ZSWIM9: variants seen among roughly 807,000 people sequenced by gnomAD.
The protein encoded by ZSWIM9 is zinc finger SWIM-type containing 9.
A neutral mutation model predicts 25.0 loss-of-function variants in ZSWIM9; 11 were observed. The observed-to-expected ratio is 0.44, with a 90% CI of 0.28 to 0.73. The LOEUF (loss-of-function observed/expected upper bound fraction) is 0.73. ZSWIM9 is among the 30% of genes least tolerant of loss of function. ZSWIM9 has a pLI of 0.16. For missense variants in ZSWIM9, 1,070 were observed against 1,296.5 expected, an observed-to-expected ratio of 0.83 and a Z score of 2.68; for synonymous variants, 562 against 582.1, an observed-to-expected ratio of 0.97 and a Z score of 0.50.
chr19:48,174,605 A>C (rs529493156), intron 2 of ZSWIM9: 1 of 152,346 alleles, frequency 6.6e-6, no homozygotes, highest in South Asian at 2.1e-4. Flanking sequence ...CAGAGTAAGC[A>C]CACTCTTAAC....
At chr19:48,171,696 G>A in intron 1 of ZSWIM9, 98 bp from the exon 2 acceptor site, 1 of 1,208,688 alleles carries the variant, frequency 8.3e-7, no homozygotes, top group Non-Finnish European at 1.1e-6. Flanking sequence ...CTCGATAGAG[G>A]CACCAGCAAC....
chr19:48,194,755 G>A lies in ZSWIM9; in HGVS notation c.691G>A (p.Val231Met). 1 of 1,533,600 alleles carries A rather than the reference G, an allele frequency of 6.5e-7. No homozygotes were observed. Among genetic ancestry groups the A allele is most frequent in the Non-Finnish European group, 8.7e-7 (1 of 1,145,742 alleles). The allele number at this position is 1,533,600 out of a possible 1,614,324, so 95.0% of individuals were successfully genotyped here. The change falls in exon 4 of 4, where the codon GTG (valine) becomes ATG (methionine). Residue 231 changes from valine to methionine, a missense_variant. Coordinates refer to ENST00000614654, the MANE Select transcript of ZSWIM9 (RefSeq NM_199341.4). This position sits in a 1 kb window ranked among gnomAD's most constrained non-coding sequence, Gnocchi z 6.0. Reference protein sequence around the residue: ...LLRRFPRMLLVDRLPGLQGAL... With the variant: ...LLRRFPRMLLMDRLPGLQGAL... ...GCGGCGCTTCCCTCGCATGCTGCTG[G>A]TGGACCGGCTGCCGGGGCTGCAGGG... is the stretch of plus-strand genomic sequence containing the variant.
At chr19:48,189,803 T>G (rs920669089) in intron 3 of ZSWIM9, among the ~76,000 whole-genome samples, 1 of 152,168 alleles carries the variant, frequency 6.6e-6, no homozygotes, top group African/African-American at 2.4e-5. Flanking sequence ...ACTGACTGAT[T>G]AGACTAAAGA....
chr19:48,187,521 T>TATA (rs1491283764), intron 3 of ZSWIM9, among the ~76,000 whole-genome samples: 7 of 84,324 alleles, frequency 8.3e-5, no homozygotes, highest in African/African-American at 3.7e-4. Context: ...TTATATATAT[T>TATA]ATATATTATA....
At position 48,195,490 on chromosome 19, in the gene ZSWIM9, G is replaced by C; in HGVS notation, c.1426G>C (p.Asp476His). 1 of 1,415,730 alleles carries C rather than the reference G, an allele frequency of 7.1e-7. No individual in the cohort carries two copies. Among genetic ancestry groups the C allele is most frequent in the South Asian group, 1.5e-5 (1 of 65,406 alleles). The allele number at this position is 1,415,730 out of a possible 1,614,324, so 87.7% of individuals were successfully genotyped here. Residue 476 changes from aspartate (D) to histidine (H), a missense_variant, in exon 4 of 4, where the codon GAC becomes CAC. Asp to His is a moderately conservative substitution (Grantham distance 81). Around this residue, in one of 4 missense-constraint regions of ZSWIM9, gnomAD observed 583 missense variants for 624.7 expected, o/e 0.93. Transcript: ENST00000614654. This position sits in a 1 kb window ranked among gnomAD's most constrained non-coding sequence, Gnocchi z 5.8. Reference protein sequence around the residue: ...NERVRGLETGDWGGAPKEGSI... With the variant: ...NERVRGLETGHWGGAPKEGSI... ...GAGGGTGAGGGGCCTGGAGACAGGC[G>C]ACTGGGGAGGGGCTCCGAAAGAAGG...
intron 2 of ZSWIM9, among the ~76,000 whole-genome samples, chr19:48,177,805 G>C (rs768611553): frequency 6.6e-6 from 1 of 152,188 alleles, no homozygotes. Flanking sequence ...CTGCACGCGG[G>C]GATTTCCTTT....
At chr19:48,173,696 G>A (rs1165823802) in intron 2 of ZSWIM9, among the ~76,000 whole-genome samples, 1 of 152,098 alleles carries the variant, frequency 6.6e-6, no homozygotes, top group Non-Finnish European at 1.5e-5. Flanking sequence ...GAGTGCAGTG[G>A]CACAATCTCC....
intron 3 of ZSWIM9, chr19:48,186,558 C>T (rs1236076751): frequency 1.9e-5 from 3 of 154,526 alleles, no homozygotes; most frequent in Non-Finnish European, 4.4e-5. Flanking sequence ...ACCTTGGCCT[C>T]CTGAAGTGCT....
chr19:48,181,800 TTTTAA>T (rs1346901522), intron 2 of ZSWIM9: 1 of 152,178 alleles, frequency 6.6e-6, no homozygotes, highest in Non-Finnish European at 1.5e-5. Context: ...TTCCTTAGGG[TTTTAA>T]TTTGTTATGT....
intron 2 of ZSWIM9, among the ~76,000 whole-genome samples, chr19:48,179,482 T>TTTTCTACAGTGTTGG (rs1465032000): frequency 6.6e-6 from 1 of 152,158 alleles, no homozygotes; most frequent in Non-Finnish European, 1.5e-5. Context: ...CCCTATTTCA[T>TTTTCTACAGTGTTGG]TTTCTACAGT....
At chr19:48,176,392 A>G (rs2036893431) in intron 2 of ZSWIM9, among the ~76,000 whole-genome samples, 2 of 152,178 alleles carry the variant, frequency 1.3e-5, no homozygotes, top group Admixed American at 1.3e-4. Context: ...GACTAGTATT[A>G]CTATTGGCCC....
At chr19:48,193,971 G>T (rs1409749310) in intron 3 of ZSWIM9, among the ~76,000 whole-genome samples, 1 of 152,110 alleles carries the variant, frequency 6.6e-6, no homozygotes, top group Admixed American at 6.5e-5. Context: ...GCCTCTCAGT[G>T]CATGGAGAAA....
In ZSWIM9 at chr19:48,177,592, T is replaced by C. The variant is rs190601512; in HGVS notation, c.276-4863T>C. Among the ~76,000 whole-genome samples, 601 of 152,266 alleles carry C rather than the reference T, an allele frequency of 3.9e-3. 2 individuals carry two copies. The highest frequency in any genetic ancestry group is 0.014 in the African/African-American group (572 of 41,552). ...GTGGTTATGTGAGATTCTGGGCCCC[T>C]GCAGAGGAGATGCCCTATTCTCTGG... On this transcript the variant is annotated intron_variant, in intron 2 of 3. Coordinates refer to ENST00000614654, the MANE Select transcript of ZSWIM9 (RefSeq NM_199341.4).
chr19:48,185,009 C>T (rs976923129), intron 3 of ZSWIM9, among the ~76,000 whole-genome samples: 3 of 152,196 alleles, frequency 2.0e-5, no homozygotes, highest in Non-Finnish European at 4.4e-5. Flanking sequence ...TGTCCCTGTG[C>T]AGAACAGCTC....
chr19:48,188,416 A>T (rs1247243107), intron 3 of ZSWIM9, among the ~76,000 whole-genome samples: 1 of 151,710 alleles, frequency 6.6e-6, no homozygotes, highest in South Asian at 2.1e-4. Flanking sequence ...TTTAGTAGAG[A>T]TGGGGTTTCA....
At position 48,194,163 on chromosome 19, in the gene ZSWIM9, G is replaced by C. The variant is rs1431004659; in HGVS notation, c.589-490G>C. On this transcript the variant is annotated intron_variant, in intron 3 of 3. Coordinates refer to ENST00000614654, the MANE Select transcript of ZSWIM9 (RefSeq NM_199341.4). The surrounding 1 kb of genome is among the most constrained non-coding windows in gnomAD (Gnocchi z 6.0). Reference sequence around the variant, plus strand: ...CAGTCATCCTTAAGCATGCATAGGAGTCCCCTGGAGGGCTTGTCAAACTAG... The same window carrying C: ...CAGTCATCCTTAAGCATGCATAGGACTCCCCTGGAGGGCTTGTCAAACTAG... Among the ~76,000 whole-genome samples, 2 of 152,152 alleles carry C rather than the reference G, an allele frequency of 1.3e-5. No individual in the cohort carries two copies. Among genetic ancestry groups the C allele is most frequent in the African/African-American group, 2.4e-5 (1 of 41,442 alleles).
At chr19:48,187,957 TA>T (rs1043720303) in intron 3 of ZSWIM9, among the ~76,000 whole-genome samples, 1 of 144,272 alleles carries the variant, frequency 6.9e-6, no homozygotes, top group Admixed American at 6.8e-5. Flanking sequence ...GATAGATAGA[TA>T]GATAGATAGA....
chr19:48,182,921 T>G lies in ZSWIM9; in HGVS notation c.588+154T>G. The G allele has an allele frequency of 1.5e-6, 1 of 658,286 alleles. No homozygotes were observed. The highest frequency in any genetic ancestry group is 2.6e-6 in the Non-Finnish European group (1 of 390,690). 40.8% of individuals were successfully genotyped at this position (658,286 alleles called of 1,614,324 possible). On this transcript the variant is annotated intron_variant, in intron 3 of 3. Transcript: ENST00000614654. This position sits in a 1 kb window ranked among gnomAD's most constrained non-coding sequence, Gnocchi z 4.6. ...ATTCAATAAGTACTTACCGAGGCAT[T>G]GGGGATGCAGCAGCAAACCAGACCC...
intron 3 of ZSWIM9, chr19:48,183,030 AT>A: frequency 2.1e-6 from 1 of 480,116 alleles, no homozygotes; most frequent in Non-Finnish European, 3.7e-6. Flanking sequence ...ACGTTCTGTG[AT>A]TCTGCACCCC....
Sources: allele counts gnomAD v4.1 joint callset (sites outside exome capture counted in the v4.1 genomes callset), GRCh38; gene constraint gnomAD v4.1.1; regional missense constraint gnomAD v4.1.1; non-coding constraint Gnocchi (gnomAD v3.1); transcripts MANE v1.5; gene names NCBI Gene and HGNC (gene_info 2026-07-23, HGNC 2026-07-21).